The following CNGB3 variants were observed in gnomAD, a reference collection of about 807,000 sequenced individuals.
CNGB3 encodes the protein cyclic nucleotide-gated channel beta-3.
Under a neutral mutation model 92.8 loss-of-function variants are expected in CNGB3, and 86 were observed. The ratio of observed to expected loss-of-function variants is 0.93; its 90% CI spans 0.78 to 1.11. CNGB3 has a LOEUF of 1.11. Among genes scored for constraint, CNGB3 ranks in the 50% least tolerant of loss-of-function variants. The pLI is 0.00. For synonymous variants in CNGB3, 333 were observed against 332.7 expected, an observed-to-expected ratio of 1.00 and a Z score of -0.01; for missense variants, 1,026 against 956.8, an observed-to-expected ratio of 1.07 and a Z score of -0.95.
chr8:86,589,653 G>A (rs1271029059), intron 15 of CNGB3, among the ~76,000 whole-genome samples: 5 of 152,210 alleles, frequency 3.3e-5, no homozygotes, highest in Admixed American at 3.3e-4. Context: ...GCGGTTTTGA[G>A]TGAGATTCTT....
At chr8:86,669,434 A>G (rs890889538) in intron 4 of CNGB3, among the ~76,000 whole-genome samples, 11 of 152,248 alleles carry the variant, frequency 7.2e-5, no homozygotes, top group Non-Finnish European at 1.2e-4. Flanking sequence ...AGGTGTTACA[A>G]ATAGAGTATT....
chr8:86,671,912 C>A (rs923971330), intron 3 of CNGB3, among the ~76,000 whole-genome samples: 1 of 152,162 alleles, frequency 6.6e-6, no homozygotes, highest in Non-Finnish European at 1.5e-5. Flanking sequence ...CCCGGTTGAG[C>A]CCACTCAGAC....
intron 15 of CNGB3, among the ~76,000 whole-genome samples, chr8:86,597,071 T>C (rs899190643): frequency 6.6e-6 from 1 of 152,098 alleles, no homozygotes; most frequent in African/African-American, 2.4e-5. Flanking sequence ...AAATACCTAA[T>C]GTAAATGAGT....
At chr8:86,705,572 A>T (rs1824638117) in intron 3 of CNGB3, among the ~76,000 whole-genome samples, 1 of 151,974 alleles carries the variant, frequency 6.6e-6, no homozygotes, top group Non-Finnish European at 1.5e-5. Context: ...AAAAACCAAA[A>T]ATATTCTCTG....
chr8:86,722,773 A>T (rs1276765561), intron 3 of CNGB3, among the ~76,000 whole-genome samples: 2 of 152,060 alleles, frequency 1.3e-5, no homozygotes, highest in African/African-American at 2.4e-5. Context: ...CTGACTTCAG[A>T]CTCAAACTGA....
At chr8:86,721,241 C>G (rs942948742) in intron 3 of CNGB3, among the ~76,000 whole-genome samples, 1 of 152,128 alleles carries the variant, frequency 6.6e-6, no homozygotes, top group African/African-American at 2.4e-5. Flanking sequence ...TCAGTCTCCA[C>G]TGGGATTACA....
chr8:86,682,679 C>A (rs977105179), intron 3 of CNGB3, among the ~76,000 whole-genome samples: 1 of 152,122 alleles, frequency 6.6e-6, no homozygotes, highest in Admixed American at 6.6e-5. Context: ...ACAATTCAAT[C>A]CTCTAAATGC....
At chr8:86,658,983 A>G (rs990890577) in intron 6 of CNGB3, 1 of 1,080,674 alleles carries the variant, frequency 9.3e-7, no homozygotes, top group Non-Finnish European at 1.4e-6. Flanking sequence ...CTGGGCTTGG[A>G]GCTGTCCTGC....
chr8:86,583,513 A>G (rs73271510), intron 15 of CNGB3, among the ~76,000 whole-genome samples: 1,772 of 152,258 alleles, frequency 0.012, 32 homozygotes, highest in African/African-American at 0.039. Context: ...AAAGCCAGAG[A>G]AGGAAGGAAA....
intron 3 of CNGB3, among the ~76,000 whole-genome samples, chr8:86,720,653 A>T (rs1022400694): frequency 1.3e-5 from 2 of 152,058 alleles, no homozygotes; most frequent in Non-Finnish European, 2.9e-5. Flanking sequence ...CTAGGTATCT[A>T]CCCGGAGGAA....
intron 3 of CNGB3, among the ~76,000 whole-genome samples, chr8:86,722,009 G>A (rs1421810532): frequency 6.6e-6 from 1 of 152,148 alleles, no homozygotes; most frequent in Non-Finnish European, 1.5e-5. Flanking sequence ...TATGAACAAA[G>A]AAGACTATTC....
chr8:86,724,652 T>C (rs1825027990), intron 3 of CNGB3, among the ~76,000 whole-genome samples: 1 of 152,032 alleles, frequency 6.6e-6, no homozygotes, highest in Non-Finnish European at 1.5e-5. Flanking sequence ...CAGCAATAAA[T>C]GCTGTGAAAG....
chr8:86,614,715 T>C (rs1025421835), intron 13 of CNGB3, among the ~76,000 whole-genome samples: 3 of 152,100 alleles, frequency 2.0e-5, no homozygotes, highest in Non-Finnish European at 4.4e-5. Context: ...CATCGGCCAA[T>C]ATAAACAAAT....
intron 3 of CNGB3, among the ~76,000 whole-genome samples, chr8:86,702,792 A>T (rs963755406): frequency 1.3e-5 from 2 of 151,734 alleles, no homozygotes; most frequent in African/African-American, 4.8e-5. Flanking sequence ...TTCTTTTTTA[A>T]AAAAAATCTC....
chr8:86,697,294 A>G (rs753933634), intron 3 of CNGB3, among the ~76,000 whole-genome samples: 1 of 152,168 alleles, frequency 6.6e-6, no homozygotes, highest in Non-Finnish European at 1.5e-5. Context: ...TATATTAACT[A>G]TCCTATCTTA....
In CNGB3 at chr8:86,578,205, G is replaced by A. The variant is rs188022690; in HGVS notation, c.2103+484C>T. Among the ~76,000 whole-genome samples, 1,086 of 152,144 alleles carry A rather than the reference G, an allele frequency of 7.1e-3. 8 individuals are homozygous for A. The highest frequency in any genetic ancestry group is 0.025 in the African/African-American group (1,031 of 41,482). On this transcript the variant is annotated intron_variant, in intron 17 of 17. Coordinates refer to ENST00000320005, the MANE Select transcript of CNGB3 (RefSeq NM_019098.5). ...ATTACAGGTGTGAGCCACCGCACCC[G>A]GCCAAGGGTCATTCGTTTATAGTAT...
chr8:86,627,178 T>C (rs1340920025), intron 12 of CNGB3, among the ~76,000 whole-genome samples: 3 of 152,144 alleles, frequency 2.0e-5, no homozygotes, highest in African/African-American at 4.8e-5. Context: ...GATTCAAATA[T>C]AGATTCTAAA....
intron 3 of CNGB3, among the ~76,000 whole-genome samples, chr8:86,694,053 G>A (rs1227894960): frequency 4.2e-5 from 5 of 118,842 alleles, no homozygotes; most frequent in Admixed American, 8.5e-5. Context: ...CCTCCCGGAC[G>A]GGGCGGCTGG....
intron 14 of CNGB3, among the ~76,000 whole-genome samples, chr8:86,606,861 A>G (rs1822421661): frequency 6.6e-6 from 1 of 152,194 alleles, no homozygotes; most frequent in Admixed American, 6.5e-5. Flanking sequence ...ACTCTATATA[A>G]TACATGAAGA....
Sources: gnomAD v4.1 joint callset for allele counts (sites outside exome capture counted in the v4.1 genomes callset) on GRCh38, gnomAD v4.1.1 for gene constraint, MANE v1.5 for transcripts, NCBI Gene and HGNC (gene_info 2026-07-23, HGNC 2026-07-21) for gene names.